The following LRRC37A2 variants were observed in gnomAD, a reference collection of about 807,000 sequenced individuals.
The protein encoded by LRRC37A2 is leucine rich repeat containing 37 member A2.
Under a neutral mutation model 68.8 loss-of-function variants are expected in LRRC37A2, and 9 were observed. The observed-to-expected ratio is 0.13, with a 90% CI of 0.08 to 0.23. The LOEUF (loss-of-function observed/expected upper bound fraction) is 0.23, where lower values mean the gene tolerates loss of function less well. LRRC37A2 is among the 10% of genes least tolerant of loss of function. The pLI is 1.00. For missense variants in LRRC37A2, 168 were observed against 950.4 expected, an observed-to-expected ratio of 0.18 and a Z score of 10.82; for synonymous variants, 63 against 367.6, an observed-to-expected ratio of 0.17 and a Z score of 9.48.
chr17:46,751,941 G>A, the LRRC37A2 span, among the ~76,000 whole-genome samples: 1 of 152,178 alleles, frequency 6.6e-6, no homozygotes, highest in East Asian at 1.9e-4. Flanking sequence ...TACTATGTGA[G>A]CCACAGGCTG....
At chr17:46,938,892 G>A in the LRRC37A2 span, 1 of 1,543,904 alleles carries the variant, frequency 6.5e-7, no homozygotes, top group Non-Finnish European at 8.7e-7. Flanking sequence ...ACTTGGGAGT[G>A]ATTGTGGTCT....
At chr17:46,918,279 C>T in the LRRC37A2 span, among the ~76,000 whole-genome samples, 11 of 152,122 alleles carry the variant, frequency 7.2e-5, no homozygotes, top group Non-Finnish European at 1.3e-4. Context: ...GAGGTTTCAC[C>T]ATGTTGGCCA....
chr17:46,872,652 G>A, the LRRC37A2 span: 1 of 1,613,668 alleles, frequency 6.2e-7, no homozygotes, highest in Non-Finnish European at 8.5e-7. Context: ...GCCGGAGGGA[G>A]CCCGGCCTGG....
At chr17:46,941,687 C>T in the LRRC37A2 span, 1 of 159,244 alleles carries the variant, frequency 6.3e-6, no homozygotes, top group Non-Finnish European at 1.3e-5. Flanking sequence ...GATCCTCATA[C>T]CTCAGCCTCC....
At chr17:46,622,317 G>T in the LRRC37A2 span, among the ~76,000 whole-genome samples, 1 of 148,494 alleles carries the variant, frequency 6.7e-6, no homozygotes, top group African/African-American at 2.5e-5. Context: ...AATTAGCCAG[G>T]CGTGGTGGTG....
At chr17:47,023,165 C>G in the LRRC37A2 span, among the ~76,000 whole-genome samples, 1 of 152,188 alleles carries the variant, frequency 6.6e-6, no homozygotes, top group African/African-American at 2.4e-5. Flanking sequence ...TATCTTTATA[C>G]GTTTGTTGAA....
At chr17:46,923,423 G>C in the LRRC37A2 span, 1 of 1,436,210 alleles carries the variant, frequency 7.0e-7, no homozygotes, top group Admixed American at 2.8e-5. Context: ...CTGGGGCCTG[G>C]AGACGTGGGG....
At chr17:46,978,627 G>T in the LRRC37A2 span, 2 of 1,572,762 alleles carry the variant, frequency 1.3e-6, no homozygotes. Context: ...CGCTGGCGAG[G>T]GCGGACCCAG....
intron 8 of LRRC37A2, among the ~76,000 whole-genome samples, chr17:46,542,598 G>A (rs2055574827): frequency 6.7e-6 from 1 of 150,032 alleles, no homozygotes; most frequent in African/African-American, 2.5e-5. Context: ...GGGAACCTGA[G>A]TCAGGAGGAT....
chr17:46,942,191 C>T, the LRRC37A2 span, among the ~76,000 whole-genome samples: 1 of 152,298 alleles, frequency 6.6e-6, no homozygotes, highest in Admixed American at 6.5e-5. Context: ...TGACTTTCAG[C>T]TCCAGTAGCC....
At chr17:46,908,195 C>T in the LRRC37A2 span, among the ~76,000 whole-genome samples, 1 of 151,872 alleles carries the variant, frequency 6.6e-6, no homozygotes, top group African/African-American at 2.4e-5. Flanking sequence ...CCCCACCGCC[C>T]CCCTCACTCT....
chr17:46,709,762 T>C, the LRRC37A2 span, among the ~76,000 whole-genome samples: 16 of 152,292 alleles, frequency 1.1e-4, no homozygotes, highest in East Asian at 1.5e-3. Flanking sequence ...CCCAAAGTGC[T>C]GGGATTATAG....
At chr17:46,996,109 C>G in the LRRC37A2 span, among the ~76,000 whole-genome samples, 1 of 152,158 alleles carries the variant, frequency 6.6e-6, no homozygotes, top group African/African-American at 2.4e-5. Context: ...CCCACTTACC[C>G]CTGTGCCCTT....
chr17:46,740,272 A>T, the LRRC37A2 span, among the ~76,000 whole-genome samples: 1 of 152,318 alleles, frequency 6.6e-6, no homozygotes, highest in African/African-American at 2.4e-5. Context: ...TAAAGGAGCA[A>T]TGTGGGCTCT....
the LRRC37A2 span, among the ~76,000 whole-genome samples, chr17:46,911,048 G>A: frequency 6.6e-6 from 1 of 152,212 alleles, no homozygotes. Context: ...TGGGTGCAGA[G>A]GGAAATGGCC....
the LRRC37A2 span, among the ~76,000 whole-genome samples, chr17:46,844,266 T>C: frequency 1.3e-5 from 2 of 151,502 alleles, no homozygotes; most frequent in Admixed American, 1.3e-4. Flanking sequence ...CTATACTTTA[T>C]ATAAAGTAGA....
chr17:46,986,955 A>G, the LRRC37A2 span, among the ~76,000 whole-genome samples: 3 of 152,104 alleles, frequency 2.0e-5, no homozygotes, highest in African/African-American at 7.2e-5. Flanking sequence ...GTGCATAACT[A>G]TAGTTGCAGG....
the LRRC37A2 span, among the ~76,000 whole-genome samples, chr17:46,733,360 C>A: frequency 1.3e-5 from 2 of 149,348 alleles, no homozygotes; most frequent in Non-Finnish European, 3.0e-5. Flanking sequence ...TTTTTTTTTT[C>A]TTTTTGGGAG....
chr17:46,772,467 G>T, the LRRC37A2 span, among the ~76,000 whole-genome samples: 1 of 152,210 alleles, frequency 6.6e-6, no homozygotes, highest in Admixed American at 6.5e-5. Context: ...TTGATTCAGC[G>T]CTACCTGGCC....
Sources: allele counts gnomAD v4.1 joint callset (sites outside exome capture counted in the v4.1 genomes callset), GRCh38; gene constraint gnomAD v4.1.1; transcripts MANE v1.5; gene names NCBI Gene and HGNC (gene_info 2026-07-23, HGNC 2026-07-21).